Variants in GABRG1 observed in about 807,000 individuals in gnomAD.
GABRG1 encodes gamma-aminobutyric acid receptor subunit gamma-1.
In GABRG1, 49 loss-of-function variants were observed where a neutral mutation model predicts 49.8. The observed-to-expected ratio is 0.98, with a 90% confidence interval of 0.78 to 1.25. GABRG1 has a LOEUF of 1.25. Ranked by LOEUF, GABRG1 falls within the 50% of genes most tolerant of loss-of-function variation. GABRG1 has a pLI of 0.00. For missense variants in GABRG1, 552 were observed against 552.3 expected (o/e 1.00, Z 0.01); for synonymous variants, 232 against 185.1 (o/e 1.25, Z -2.06).
chr4:46,075,544 C>A (rs1256994249), intron 3 of GABRG1, among the ~76,000 whole-genome samples: 1 of 151,982 alleles, frequency 6.6e-6, no homozygotes, highest in Non-Finnish European at 1.5e-5. Flanking sequence ...ATTACTGTAT[C>A]CGAATCCCCT....
chr4:46,046,647 A>T (rs1488417473), intron 8 of GABRG1, among the ~76,000 whole-genome samples: 2 of 152,044 alleles, frequency 1.3e-5, no homozygotes, highest in African/African-American at 4.8e-5. Flanking sequence ...GCTGAAAAGG[A>T]GCTGTGGGTG....
chr4:46,071,447 A>T (rs1388144578), intron 3 of GABRG1, among the ~76,000 whole-genome samples: 1 of 148,798 alleles, frequency 6.7e-6, no homozygotes, highest in East Asian at 1.9e-4. Context: ...ATATATAAAT[A>T]TATTATAATG....
At chr4:46,071,739 T>A (rs879815241) in intron 3 of GABRG1, among the ~76,000 whole-genome samples, 1 of 151,592 alleles carries the variant, frequency 6.6e-6, no homozygotes, top group Admixed American at 6.6e-5. Flanking sequence ...AAAAAAAAAT[T>A]GAAAAAAGCA....
chr4:46,119,284 T>C (rs909141903), intron 1 of GABRG1, among the ~76,000 whole-genome samples: 16 of 151,378 alleles, frequency 1.1e-4, no homozygotes, highest in African/African-American at 3.6e-4. Context: ...TCTTCTCCTC[T>C]TTTTTTCTCC....
intron 2 of GABRG1, 151 bp downstream of exon 2, chr4:46,097,050 A>G (rs1490651744): frequency 1.6e-6 from 1 of 633,392 alleles, no homozygotes; most frequent in Non-Finnish European, 2.4e-6. Context: ...TCCTCAAAAC[A>G]TTAGTGACCA....
intron 2 of GABRG1, among the ~76,000 whole-genome samples, chr4:46,089,678 A>ATAGGC (rs1375797556): frequency 3.9e-5 from 6 of 152,074 alleles, no homozygotes; most frequent in African/African-American, 1.4e-4. Flanking sequence ...AAGTAGGAAA[A>ATAGGC]TAGGCTAGGC....
intron 8 of GABRG1, among the ~76,000 whole-genome samples, chr4:46,051,123 C>CA (rs559664254): frequency 9.4e-4 from 142 of 151,782 alleles, no homozygotes; most frequent in African/African-American, 3.1e-3. Context: ...AATCCTAACA[C>CA]AAAAAATCGG....
At chr4:46,121,392 C>G (rs562395139) in intron 1 of GABRG1, among the ~76,000 whole-genome samples, 1 of 151,974 alleles carries the variant, frequency 6.6e-6, no homozygotes, top group Admixed American at 6.6e-5. Context: ...AAAAAGTTCA[C>G]CCAACTGTAG....
At chr4:46,103,513 A>T (rs1577666033) in intron 1 of GABRG1, among the ~76,000 whole-genome samples, 1 of 151,528 alleles carries the variant, frequency 6.6e-6, no homozygotes, top group African/African-American at 2.4e-5. Flanking sequence ...TTACCATTTG[A>T]GGTTATCATA....
At chr4:46,105,252 G>T (rs1240193216) in intron 1 of GABRG1, among the ~76,000 whole-genome samples, 1 of 151,304 alleles carries the variant, frequency 6.6e-6, no homozygotes, top group Admixed American at 6.6e-5. Flanking sequence ...GAGGTGGGTG[G>T]TCTCTAAAAC....
In GABRG1 at chr4:46,058,503, T is replaced by C. The variant is rs746294744; in HGVS notation, c.745A>G (p.Ile249Val). 6 of 1,613,152 alleles carry C rather than the reference T, an allele frequency of 3.7e-6. No homozygotes were observed. The East Asian group carries it at 1.1e-4, about 30-fold the overall frequency. ...AFVGLRNSTE[I>V]THTISGDYVI... ...TTTTTACCAGAGATCGTGTGAGTGA[T>C]TTCAGTTGAGTTCCGTAACCCTACA... Residue 249 changes from isoleucine to valine, a missense_variant, in exon 6 of 9, where the codon ATC becomes GTC. Physicochemically the swap from Ile to Val is conservative, Grantham distance 29 (BLOSUM62 3). Coordinates refer to ENST00000295452, the MANE Select transcript of GABRG1 (RefSeq NM_173536.4).
At chr4:46,108,954 C>T (rs1310368615) in intron 1 of GABRG1, among the ~76,000 whole-genome samples, 1 of 150,958 alleles carries the variant, frequency 6.6e-6, no homozygotes, top group Admixed American at 6.6e-5. Flanking sequence ...ATACAACACC[C>T]ATAGTGATGT....
chr4:46,056,146 TAAATTAAAAAA>T (rs1718425903), intron 7 of GABRG1, among the ~76,000 whole-genome samples: 2 of 5,684 alleles, frequency 3.5e-4, no homozygotes, highest in African/African-American at 2.4e-3. Flanking sequence ...AATAAATAAA[TAAATTAAAAAA>T]AAAAAAAAAA....
intron 1 of GABRG1, among the ~76,000 whole-genome samples, chr4:46,103,614 C>G (rs1193729783): frequency 2.0e-5 from 3 of 151,306 alleles, no homozygotes; most frequent in Non-Finnish European, 4.4e-5. Context: ...TAGATATACT[C>G]AATCAAGAAA....
chr4:46,040,833 A>T lies in GABRG1; in HGVS notation c.*155T>A. ...AAATTAGCCTGAAAGCTGCTACTTT[A>T]TTTACTTCTGAAGGCCTTAAAATAG... On this transcript the variant is annotated 3_prime_UTR_variant, in exon 9 of 9. Transcript: ENST00000295452. 1.4e-6 allele frequency: 1 copy of T among 705,374 alleles called. No homozygotes were observed. The highest frequency in any genetic ancestry group is 2.2e-6 in the Non-Finnish European group (1 of 452,568). 43.7% of individuals were successfully genotyped at this position (705,374 alleles called of 1,614,324 possible).
Position 46,062,123 on chromosome 4 carries a change from G to A in GABRG1, c.625+2318C>T, listed in dbSNP as rs531542521. On this transcript the variant is annotated intron_variant, in intron 5 of 8. Coordinates refer to ENST00000295452, the MANE Select transcript of GABRG1 (RefSeq NM_173536.4). ...TTCCCATCTATGAGTGAGAACATGC[G>A]GTGTTTGGTTTTTTGTCCTTGTGAT... Among the ~76,000 whole-genome samples the A allele has an allele frequency of 3.0e-3, 448 of 147,134 alleles. 3 individuals carry two copies. Among genetic ancestry groups the A allele is most frequent in the Middle Eastern group, 7.2e-3 (2 of 276 alleles).
At chr4:46,118,104 GTATA>G (rs1720982705) in intron 1 of GABRG1, among the ~76,000 whole-genome samples, 1 of 135,426 alleles carries the variant, frequency 7.4e-6, no homozygotes, top group South Asian at 2.1e-4. Flanking sequence ...ACATATGTGT[GTATA>G]TATACATATA....
chr4:46,103,145 T>C (rs1215548036), intron 1 of GABRG1, among the ~76,000 whole-genome samples: 1 of 151,586 alleles, frequency 6.6e-6, no homozygotes, highest in East Asian at 2.0e-4. Context: ...CTTCTTCCAT[T>C]AATCTGTTAA....
At chr4:46,087,571 A>G (rs977325758) in intron 2 of GABRG1, among the ~76,000 whole-genome samples, 6 of 151,910 alleles carry the variant, frequency 3.9e-5, no homozygotes, top group Non-Finnish European at 8.8e-5. Flanking sequence ...AAATAATGTT[A>G]CAAGTTATAA....
Sources: allele counts gnomAD v4.1 joint callset (sites outside exome capture counted in the v4.1 genomes callset), GRCh38; gene constraint gnomAD v4.1.1; transcripts MANE v1.5; gene names NCBI Gene and HGNC (gene_info 2026-07-23, HGNC 2026-07-21).